COL26A1: variants seen among roughly 807,000 people sequenced by gnomAD.
COL26A1 encodes collagen alpha-1(XXVI) chain.
COL26A1 carries 41 observed loss-of-function variants against 59.3 expected under a neutral mutation model. The ratio of observed to expected loss-of-function variants is 0.69; its 90% confidence interval spans 0.54 to 0.90. COL26A1 has a LOEUF of 0.90. Ranked by LOEUF, COL26A1 falls within the 40% of genes least tolerant of loss-of-function variation. COL26A1 has a pLI of 0.00. For missense variants in COL26A1, 612 were observed against 602.3 expected (o/e 1.02, Z -0.17); for synonymous variants, 266 against 256.0 (o/e 1.04, Z -0.37).
At chr7:101,537,244 A>T (rs568859886) in intron 4 of COL26A1, among the ~76,000 whole-genome samples, 2 of 152,240 alleles carry the variant, frequency 1.3e-5, no homozygotes, top group South Asian at 4.2e-4. Flanking sequence ...GGCAGGCAGA[A>T]GGCCAGCAGG....
In COL26A1 at chr7:101,547,219, G is replaced by T; in HGVS notation, c.920G>T (p.Arg307Leu). The T allele has an allele frequency of 6.3e-7, 1 of 1,585,448 alleles. No individual in the cohort carries two copies. The highest frequency in any genetic ancestry group is 8.6e-7 in the Non-Finnish European group (1 of 1,167,664). The change falls in exon 8 of 13, where the codon CGG becomes CTG. Residue 307 changes from arginine (R) to leucine (L), a missense_variant. Arg to Leu is a moderately radical substitution (Grantham distance 102). Transcript: ENST00000313669. The stretch of plus-strand genomic sequence containing the variant: ...GTGCTGGCAGGTGTCCCAGGACCCC[G>T]GGGTCCCCCTGGTCCACCAGGTAAG... ...DTVLAGVPGP[R>L]GPPGPPGPPG...
intron 3 of COL26A1, among the ~76,000 whole-genome samples, chr7:101,452,229 G>A (rs973510562): frequency 6.6e-6 from 1 of 152,136 alleles, no homozygotes; most frequent in Non-Finnish European, 1.5e-5. Flanking sequence ...TGCAGACTGA[G>A]TGGATGAAAC....
intron 8 of COL26A1, 21 bp from the exon 9 acceptor site, chr7:101,549,150 C>T: frequency 6.5e-7 from 1 of 1,533,034 alleles, no homozygotes; most frequent in Non-Finnish European, 8.8e-7. Flanking sequence ...CCCAGGTGAC[C>T]ATCTGTGACT....
intron 3 of COL26A1, among the ~76,000 whole-genome samples, chr7:101,477,985 T>C (rs1240742334): frequency 6.6e-6 from 1 of 152,200 alleles, no homozygotes; most frequent in Non-Finnish European, 1.5e-5. Context: ...ATTTCTTTTT[T>C]ATTTATTTAT....
intron 2 of COL26A1, among the ~76,000 whole-genome samples, chr7:101,425,112 C>A (rs147524610): frequency 6.8e-6 from 1 of 147,474 alleles, no homozygotes; most frequent in African/African-American, 2.4e-5. Context: ...TTTGGCCAGG[C>A]GCGGTGGCTC....
chr7:101,431,041 A>T (rs902780723), intron 2 of COL26A1, among the ~76,000 whole-genome samples: 2 of 151,872 alleles, frequency 1.3e-5, no homozygotes, highest in African/African-American at 4.8e-5. Flanking sequence ...GCCTCAAGTG[A>T]TCCACCTGCC....
intron 1 of COL26A1, 62 bp from the exon 2 acceptor site, chr7:101,419,914 CT>C (rs1792470729): frequency 6.3e-7 from 1 of 1,582,188 alleles, no homozygotes; most frequent in East Asian, 2.3e-5. Context: ...GCACGGCCCC[CT>C]GACCCGAAGT....
intron 1 of COL26A1, among the ~76,000 whole-genome samples, chr7:101,367,589 C>T (rs10953338): frequency 1.3e-5 from 2 of 150,532 alleles, no homozygotes; most frequent in Admixed American, 6.7e-5. Flanking sequence ...CGCTTAAGCC[C>T]GGGAGGCGGA....
intron 2 of COL26A1, among the ~76,000 whole-genome samples, chr7:101,432,548 G>A (rs1263609473): frequency 6.6e-6 from 1 of 152,144 alleles, no homozygotes; most frequent in Non-Finnish European, 1.5e-5. Flanking sequence ...GTGGGAGCCG[G>A]CAGCTGTGCT....
chr7:101,444,178 T>C (rs1482276801), intron 2 of COL26A1, among the ~76,000 whole-genome samples: 1 of 151,590 alleles, frequency 6.6e-6, no homozygotes, highest in Non-Finnish European at 1.5e-5. Flanking sequence ...CTCCTGGCCG[T>C]GTATGCCAAG....
At chr7:101,531,864 G>A (rs1264586320) in intron 3 of COL26A1, among the ~76,000 whole-genome samples, 1 of 152,074 alleles carries the variant, frequency 6.6e-6, no homozygotes, top group South Asian at 2.1e-4. Context: ...GGGGGAGGCT[G>A]ACAGTGTCGG....
intron 3 of COL26A1, among the ~76,000 whole-genome samples, chr7:101,453,906 CA>C (rs1402309739): frequency 6.6e-6 from 1 of 152,122 alleles, no homozygotes; most frequent in African/African-American, 2.4e-5. Context: ...CCATGAGATG[CA>C]GTTCAGTGGG....
chr7:101,371,173 A>G (rs1791183080), intron 1 of COL26A1, among the ~76,000 whole-genome samples: 1 of 152,172 alleles, frequency 6.6e-6, no homozygotes, highest in African/African-American at 2.4e-5. Context: ...TAGGTAGGGT[A>G]GAGGCTGGGG....
chr7:101,488,641 G>A (rs569840027), intron 3 of COL26A1, among the ~76,000 whole-genome samples: 175 of 152,050 alleles, frequency 1.2e-3, no homozygotes, highest in Admixed American at 4.3e-3. Context: ...CTCCCAAAGC[G>A]CTAGGATTAC....
chr7:101,491,212 A>C (rs1794453213), intron 3 of COL26A1, among the ~76,000 whole-genome samples: 3 of 152,116 alleles, frequency 2.0e-5, no homozygotes, highest in Admixed American at 2.0e-4. Context: ...CAACTAGATC[A>C]CGAGAGCTGG....
chr7:101,440,451 C>A (rs902350095), intron 2 of COL26A1, among the ~76,000 whole-genome samples: 9 of 152,202 alleles, frequency 5.9e-5, no homozygotes, highest in African/African-American at 1.7e-4. Context: ...GACAGGAGGC[C>A]AGCCTCCCTC....
intron 2 of COL26A1, among the ~76,000 whole-genome samples, chr7:101,434,047 TCC>T (rs1792843938): frequency 6.3e-5 from 1 of 15,988 alleles, no homozygotes; most frequent in Non-Finnish European, 1.3e-4. Flanking sequence ...TTCCCTTCCC[TCC>T]CTCCCTCCCT....
chr7:101,400,351 CTATTTTT>C lies in COL26A1; in HGVS notation c.159-19624_159-19618del, dbSNP rs1186137656. 6.6e-4 allele frequency among the ~76,000 whole-genome samples: 81 copies of C among 123,386 alleles called. 1 individual carries two copies. Among genetic ancestry groups the C allele is most frequent in the East Asian group, 2.3e-3 (10 of 4,426 alleles). The allele number at this position is 123,386 out of a possible 152,430, so 80.9% of individuals were successfully genotyped here. The stretch of plus-strand genomic sequence containing the variant: ...GTCCACACTGCCTTTCTTTTTTTTC[CTATTTTT>C]TTTTTTTTTTTTTTTTTTTTTGAGA... On this transcript the variant is annotated intron_variant, in intron 1 of 12. Transcript: ENST00000313669.
chr7:101,473,088 C>CT (rs917356672), intron 3 of COL26A1, among the ~76,000 whole-genome samples: 20 of 138,890 alleles, frequency 1.4e-4, no homozygotes, highest in East Asian at 4.2e-4. Context: ...TTTTTTTTTT[C>CT]TTTTTTTTTG....
Sources: allele counts gnomAD v4.1 joint callset (sites outside exome capture counted in the v4.1 genomes callset), GRCh38; gene constraint gnomAD v4.1.1; transcripts MANE v1.5; gene names NCBI Gene and HGNC (gene_info 2026-07-23, HGNC 2026-07-21).